Variants in RPRD1B observed in about 807,000 individuals in gnomAD.
RPRD1B encodes the protein regulation of nuclear pre-mRNA domain containing 1B.
Under a neutral mutation model 41.5 loss-of-function variants are expected in RPRD1B, and 11 were observed. The observed-to-expected ratio is 0.27, with a 90% confidence interval of 0.17 to 0.44. The LOEUF (loss-of-function observed/expected upper bound fraction) is 0.44. Ranked by LOEUF, RPRD1B falls within the 20% of genes least tolerant of loss-of-function variation. The pLI, the probability that RPRD1B is intolerant of heterozygous loss-of-function variation, is 1.00. For missense variants in RPRD1B, 248 were observed against 389.9 expected (o/e 0.64, Z 3.06); for synonymous variants, 158 against 155.6 (o/e 1.02, Z -0.12).
At chr20:38,070,738 A>AT (rs201175296) in intron 6 of RPRD1B, 114,102 of 855,830 alleles carry the variant, frequency 0.13, 48 homozygotes, top group Non-Finnish European at 0.14. Flanking sequence ...CTTAACTGTG[A>AT]TTTTTTTTTT....
chr20:38,049,367 C>CTTTTTTTTTTTTTTTTTTTTTTTTTCTT (rs11481142), intron 3 of RPRD1B, among the ~76,000 whole-genome samples: 1 of 93,418 alleles, frequency 1.1e-5, no homozygotes, highest in Non-Finnish European at 2.1e-5. Context: ...TTCTTTTTTT[C>CTTTTTTTTTTTTTTTTTTTTTTTTTCTT]TTTTTTTTTT....
At chr20:38,059,186 C>T (rs2074272428) in intron 4 of RPRD1B, among the ~76,000 whole-genome samples, 1 of 152,126 alleles carries the variant, frequency 6.6e-6, no homozygotes, top group Non-Finnish European at 1.5e-5. Flanking sequence ...TCATGTTCTG[C>T]CATGGACTTA....
At chr20:38,034,854 C>T (rs1213671817) in intron 1 of RPRD1B, among the ~76,000 whole-genome samples, 2 of 152,234 alleles carry the variant, frequency 1.3e-5, no homozygotes, top group African/African-American at 4.8e-5. Flanking sequence ...CATGTTGCCT[C>T]TGCCAACTGC....
At chr20:38,083,220 A>C (rs2122767602) in intron 6 of RPRD1B, among the ~76,000 whole-genome samples, 1 of 152,290 alleles carries the variant, frequency 6.6e-6, no homozygotes, top group African/African-American at 2.4e-5. Context: ...AAAAAAAACT[A>C]AATAGTTTGT....
At chr20:38,043,776 T>C (rs917744250) in intron 2 of RPRD1B, among the ~76,000 whole-genome samples, 1 of 152,186 alleles carries the variant, frequency 6.6e-6, no homozygotes, top group African/African-American at 2.4e-5. Context: ...TTCTAGGTTT[T>C]TGATGTAAGG....
rs772079205 is a variant in RPRD1B at position 38,049,365 on chromosome 20, T to TC, written c.415+884_415+885insC. ...TATTTTTTCTTTTTTCTTTCTTTTT[T>TC]TCTTTTTTTTTTTTTTTTTTTTTGA... On this transcript the variant is annotated intron_variant, in intron 3 of 6. Transcript: ENST00000373433. Among the ~76,000 whole-genome samples, 624 of 140,918 alleles carry TC rather than the reference T, an allele frequency of 4.4e-3. 5 individuals carry two copies. The highest frequency in any genetic ancestry group is 6.8e-3 in the Non-Finnish European group (449 of 65,926). The allele number at this position is 140,918 out of a possible 152,430, so 92.4% of individuals were successfully genotyped here.
At chr20:38,049,425 C>T (rs534551146) in intron 3 of RPRD1B, among the ~76,000 whole-genome samples, 11 of 126,424 alleles carry the variant, frequency 8.7e-5, no homozygotes, top group East Asian at 4.6e-4. Flanking sequence ...GGCTGGAGTG[C>T]GGTGGTATGA....
At chr20:38,038,490 GTT>G (rs150397040) in intron 1 of RPRD1B, among the ~76,000 whole-genome samples, 22 of 76,758 alleles carry the variant, frequency 2.9e-4, no homozygotes, top group Non-Finnish European at 5.4e-4. Context: ...TTTTTGTTTT[GTT>G]TTTTTTTTTT....
Position 38,049,837 on chromosome 20 carries a change from T to A in RPRD1B, c.415+1356T>A, listed in dbSNP as rs1357902792. On this transcript the variant is annotated intron_variant, in intron 3 of 6. Coordinates refer to ENST00000373433, the MANE Select transcript of RPRD1B (RefSeq NM_021215.4). ...AAGTACTGATAGTATTGAAGACCCT[T>A]TCTATCTGAACTAGCCTGTTTTTCC... is the stretch of plus-strand genomic sequence containing the variant. 3 of 470,472 alleles carry A rather than the reference T, an allele frequency of 6.4e-6. No individual in the cohort carries two copies. The East Asian group carries it at 2.1e-4, about 33-fold the overall frequency. 29.1% of individuals were successfully genotyped at this position (470,472 alleles called of 1,614,324 possible). A position where few individuals can be genotyped will look rare whatever the true frequency, so the allele number is the denominator to read the frequency against.
chr20:38,036,243 A>T (rs888388302), intron 1 of RPRD1B, among the ~76,000 whole-genome samples: 1 of 152,218 alleles, frequency 6.6e-6, no homozygotes, highest in Admixed American at 6.5e-5. Flanking sequence ...AGATGAGATG[A>T]TAAAGGTATA....
At chr20:38,059,669 C>T (rs2074277641) in intron 5 of RPRD1B, 149 bp downstream of exon 5, 1 of 676,258 alleles carries the variant, frequency 1.5e-6, no homozygotes, top group Non-Finnish European at 2.3e-6. Flanking sequence ...AAACATAACT[C>T]ACATGGTGAA....
intron 2 of RPRD1B, among the ~76,000 whole-genome samples, chr20:38,044,674 C>T (rs2122700571): frequency 6.6e-6 from 1 of 152,226 alleles, no homozygotes; most frequent in East Asian, 1.9e-4. Context: ...GCGCCAGGCT[C>T]AGGTGTTCAT....
chr20:38,066,611 AT>A (rs1341700724), intron 6 of RPRD1B, among the ~76,000 whole-genome samples: 1 of 152,180 alleles, frequency 6.6e-6, no homozygotes, highest in Non-Finnish European at 1.5e-5. Flanking sequence ...GTTTGGTAGT[AT>A]TTGGGAAGTG....
chr20:38,066,158 G>C lies in RPRD1B; in HGVS notation c.733G>C (p.Ala245Pro). The C allele has an allele frequency of 6.2e-7, 1 of 1,614,228 alleles. No individual in the cohort carries two copies. The highest frequency in any genetic ancestry group is 8.5e-7 in the Non-Finnish European group (1 of 1,180,046). Residue 245 changes from alanine to proline, a missense_variant, in exon 6 of 7, where the codon GCA (alanine) becomes CCA (proline). Ala to Pro is a conservative substitution (Grantham distance 27, BLOSUM62 -1). Around this residue, in one of 5 missense-constraint regions of RPRD1B, gnomAD observed 93 missense variants for 167.2 expected, o/e 0.56. Transcript: ENST00000373433. ...ACTAGCAGAATATAACGGGCGCCTG[G>C]CAGCAGAACTGGAGGACCGTCGCCA... ...LLLAEYNGRL[A>P]AELEDRRQLA...
intron 2 of RPRD1B, among the ~76,000 whole-genome samples, chr20:38,041,133 A>G (rs1183841801): frequency 6.7e-6 from 1 of 148,256 alleles, no homozygotes; most frequent in Non-Finnish European, 1.5e-5. Flanking sequence ...AACTAATACC[A>G]TAGAAAGCAT....
intron 6 of RPRD1B, among the ~76,000 whole-genome samples, chr20:38,068,564 A>AT (rs1213279266): frequency 3.3e-5 from 5 of 152,196 alleles, no homozygotes; most frequent in African/African-American, 1.2e-4. Context: ...ACGCCCGGCT[A>AT]ATTTTTTTTG....
At chr20:38,038,692 T>A (rs974285830) in intron 1 of RPRD1B, among the ~76,000 whole-genome samples, 1 of 152,094 alleles carries the variant, frequency 6.6e-6, no homozygotes, top group Non-Finnish European at 1.5e-5. Context: ...GAGACAAGGT[T>A]TCACCATGTT....
At position 38,091,178 on chromosome 20, in the gene RPRD1B, G is replaced by A. The variant is rs990161120; in HGVS notation, c.*1303G>A. ...GGGCAGAAAGCGATTTGCCCCAGTA[G>A]TGTAATAGGAGTTATAGACCAGAGG... On this transcript the variant is annotated 3_prime_UTR_variant, in exon 7 of 7. Coordinates refer to ENST00000373433, the MANE Select transcript of RPRD1B (RefSeq NM_021215.4). The A allele has an allele frequency of 2.1e-5, 21 of 985,730 alleles. No individual in the cohort carries two copies. In the African/African-American group the frequency reaches 3.7e-4, roughly 17 times the overall value. The allele number at this position is 985,730 out of a possible 1,614,324, so 61.1% of individuals were successfully genotyped here. A position where few individuals can be genotyped will look rare whatever the true frequency, so the allele number is the denominator to read the frequency against.
chr20:38,065,740 C>G (rs1407024164), intron 5 of RPRD1B: 2 of 179,836 alleles, frequency 1.1e-5, no homozygotes, highest in Non-Finnish European at 2.3e-5. Context: ...TTGCAATTCT[C>G]AGAGACAAGG....
Sources: gnomAD v4.1 joint callset for allele counts (sites outside exome capture counted in the v4.1 genomes callset) on GRCh38, gnomAD v4.1.1 for gene constraint, gnomAD v4.1.1 regional missense constraint, MANE v1.5 for transcripts, NCBI Gene and HGNC (gene_info 2026-07-23, HGNC 2026-07-21) for gene names.